COLEC12: variants seen among roughly 807,000 people sequenced by gnomAD.
COLEC12 encodes the protein collectin-12.
In COLEC12, 33 loss-of-function variants were observed where a neutral mutation model predicts 71.1. That is an observed-to-expected ratio of 0.46 (90% CI 0.35 to 0.62). The LOEUF (loss-of-function observed/expected upper bound fraction) is 0.62. Among genes scored for constraint, COLEC12 ranks in the 20% least tolerant of loss-of-function variants. The pLI is 0.00. For missense variants in COLEC12, 765 were observed against 916.1 expected (o/e 0.84, Z 2.13); for synonymous variants, 350 against 353.0 (o/e 0.99, Z 0.10).
chr18:339,181 G>T (rs998667292), intron 5 of COLEC12, among the ~76,000 whole-genome samples: 1 of 152,118 alleles, frequency 6.6e-6, no homozygotes, highest in Non-Finnish European at 1.5e-5. Context: ...CTTCTAGCTT[G>T]TGACAGAGTT....
At chr18:431,698 C>G (rs1227887017) in intron 2 of COLEC12, among the ~76,000 whole-genome samples, 3 of 152,180 alleles carry the variant, frequency 2.0e-5, no homozygotes, top group Non-Finnish European at 4.4e-5. Flanking sequence ...GTTAAGAAAA[C>G]TGGGCCAGTG....
At chr18:419,529 A>C (rs747232066) in intron 2 of COLEC12, among the ~76,000 whole-genome samples, 4 of 152,218 alleles carry the variant, frequency 2.6e-5, no homozygotes, top group Non-Finnish European at 4.4e-5. Context: ...AATGATACAG[A>C]GTCATTATCT....
chr18:408,530 G>A lies in COLEC12; in HGVS notation c.59-51008C>T, dbSNP rs1915831556. On this transcript the variant is annotated intron_variant, in intron 2 of 9. Coordinates refer to ENST00000400256, the MANE Select transcript of COLEC12 (RefSeq NM_130386.3). The surrounding 1 kb of genome is among the most constrained non-coding windows in gnomAD (Gnocchi z 4.3). ...TGAACTTGGAAAGGAATGAAGGCAAGATTAAGCTTGAATTATTCATAGCGG... is the reference window on the plus strand; with the variant it reads ...TGAACTTGGAAAGGAATGAAGGCAAAATTAAGCTTGAATTATTCATAGCGG... Among the ~76,000 whole-genome samples the A allele has an allele frequency of 6.6e-6, 1 of 151,318 alleles. No individual in the cohort carries two copies. The highest frequency in any genetic ancestry group is 1.5e-5 in the Non-Finnish European group (1 of 67,896).
intron 8 of COLEC12, among the ~76,000 whole-genome samples, chr18:330,682 C>T (rs993550344): frequency 6.6e-6 from 1 of 151,796 alleles, no homozygotes; most frequent in African/African-American, 2.4e-5. Flanking sequence ...AGGATGAGGC[C>T]CTGGAGACTT....
intron 2 of COLEC12, among the ~76,000 whole-genome samples, chr18:431,191 C>T (rs1292018155): frequency 1.3e-5 from 2 of 150,106 alleles, no homozygotes; most frequent in African/African-American, 4.9e-5. Flanking sequence ...TTGGTAGAGA[C>T]GAGGTCTTGT....
chr18:376,070 A>T (rs1943777191), intron 2 of COLEC12, among the ~76,000 whole-genome samples: 1 of 152,168 alleles, frequency 6.6e-6, no homozygotes, highest in Non-Finnish European at 1.5e-5. Flanking sequence ...TCAAACCCAG[A>T]TCGACTCCAT....
At chr18:455,874 G>A (rs562947044) in intron 2 of COLEC12, among the ~76,000 whole-genome samples, 33 of 152,222 alleles carry the variant, frequency 2.2e-4, no homozygotes, top group South Asian at 4.1e-4. Flanking sequence ...TATGTGTCAC[G>A]TTTTCTTTGC....
At chr18:483,042 A>C (rs759584654) in intron 1 of COLEC12, among the ~76,000 whole-genome samples, 8 of 152,242 alleles carry the variant, frequency 5.3e-5, no homozygotes, top group Non-Finnish European at 1.2e-4. Flanking sequence ...CCCAAGATGT[A>C]TGCTATCTAT....
intron 2 of COLEC12, among the ~76,000 whole-genome samples, chr18:382,068 T>C (rs1915244882): frequency 1.3e-5 from 2 of 152,172 alleles, no homozygotes; most frequent in African/African-American, 4.8e-5. Context: ...CCTGCTATAG[T>C]CATCTGCAAC....
Position 346,481 on chromosome 18 carries a change from C to A in COLEC12, c.1141G>T (p.Asp381Tyr). The change falls in exon 5 of 10, where the codon GAT becomes TAT. Residue 381 changes from aspartate (D) to tyrosine (Y), a missense_variant. Coordinates refer to ENST00000400256, the MANE Select transcript of COLEC12 (RefSeq NM_130386.3). This position sits in a 1 kb window ranked among gnomAD's most constrained non-coding sequence, Gnocchi z 4.0. ...AGGGTATTATTCAAGGAGGTCAGAT[C>A]ATCTGTGTGTTTGGTAAGGGTATCT... ...CTDTLTKHTD[D>Y]LTSLNNTLAN... 2 of 1,614,180 alleles carry A rather than the reference C, an allele frequency of 1.2e-6. No homozygotes were observed. Among genetic ancestry groups the A allele is most frequent in the Non-Finnish European group, 1.7e-6 (2 of 1,180,042 alleles).
chr18:368,767 G>C (rs1377235342), intron 2 of COLEC12, among the ~76,000 whole-genome samples: 1 of 152,178 alleles, frequency 6.6e-6, no homozygotes, highest in Non-Finnish European at 1.5e-5. Context: ...TTCTGAGGCT[G>C]AGGCAGGAGA....
At chr18:479,871 C>T (rs1415358226) in intron 2 of COLEC12, among the ~76,000 whole-genome samples, 4 of 152,206 alleles carry the variant, frequency 2.6e-5, no homozygotes, top group African/African-American at 9.7e-5. Context: ...TGGGGGCCAG[C>T]GGCCTAAAAT....
At chr18:483,616 C>A (rs1385130344) in intron 1 of COLEC12, among the ~76,000 whole-genome samples, 1 of 152,156 alleles carries the variant, frequency 6.6e-6, no homozygotes, top group African/African-American at 2.4e-5. Flanking sequence ...AACTTGCCTA[C>A]AACCAAGAGA....
chr18:415,252 A>G (rs1301568094), intron 2 of COLEC12, among the ~76,000 whole-genome samples: 1 of 152,202 alleles, frequency 6.6e-6, no homozygotes, highest in Non-Finnish European at 1.5e-5. Flanking sequence ...CCCCCTCACT[A>G]AAGTGACCAG....
intron 2 of COLEC12, among the ~76,000 whole-genome samples, chr18:423,227 C>G (rs1189026940): frequency 6.6e-6 from 1 of 152,142 alleles, no homozygotes; most frequent in Non-Finnish European, 1.5e-5. Context: ...CATGATCATG[C>G]CACTGCACTC....
In COLEC12 at chr18:346,618, C is replaced by T. The variant is rs996591543; in HGVS notation, c.1004G>A (p.Arg335His). The T allele has an allele frequency of 6.8e-6, 11 of 1,613,996 alleles. No homozygotes were observed. Among genetic ancestry groups the T allele is most frequent in the African/African-American group, 2.7e-5 (2 of 74,916 alleles). ...AATATCCGTCTCAAAGAGCTGGAAG[C>T]GTTCCTCCAGTTGGTTGAACTTGAT... The part of the protein sequence containing the change: ...TAIKFNQLEE[R>H]FQLFETDIVN... Residue 335 changes from arginine to histidine, a missense_variant, in exon 5 of 10, where the codon CGC becomes CAC. Transcript: ENST00000400256. The surrounding 1 kb of genome is among the most constrained non-coding windows in gnomAD (Gnocchi z 4.0).
Position 383,878 on chromosome 18 carries a change from G to C in COLEC12, c.59-26356C>G, listed in dbSNP as rs992212545. 6.6e-5 allele frequency among the ~76,000 whole-genome samples: 10 copies of C among 152,322 alleles called. 1 individual carries two copies. In the East Asian group the frequency reaches 1.4e-3, roughly 21 times the overall value. On this transcript the variant is annotated intron_variant, in intron 2 of 9. Transcript: ENST00000400256. ...CCTCACAATCATGGCAGAAAGTGAA[G>C]GAGGAGCAAAGTCACATCTTACATG...
At position 500,677 on chromosome 18, in the gene COLEC12, C is replaced by A; in HGVS notation, c.-163G>T. The A allele has an allele frequency of 5.9e-6, 2 of 336,272 alleles. No individual in the cohort carries two copies. Among genetic ancestry groups the A allele is most frequent in the African/African-American group, 2.2e-5 (1 of 44,578 alleles). The allele number at this position is 336,272 out of a possible 1,614,324, so 20.8% of individuals were successfully genotyped here. A position where few individuals can be genotyped will look rare whatever the true frequency, so the allele number is the denominator to read the frequency against. ...CTCGCCGCCGCCGGCCCGCGCTCCC[C>A]GCGCTCCCGGCTCCGCGCTCTGCTG... On this transcript the variant is annotated 5_prime_UTR_variant, in exon 1 of 10. Transcript: ENST00000400256. This position sits in a 1 kb window ranked among gnomAD's most constrained non-coding sequence, Gnocchi z 5.3.
intron 2 of COLEC12, among the ~76,000 whole-genome samples, chr18:409,245 A>C (rs1389523825): frequency 6.6e-6 from 1 of 152,260 alleles, no homozygotes; most frequent in African/African-American, 2.4e-5. Context: ...AGGCTGTAAA[A>C]GAAACGTCTC....
Sources: allele counts gnomAD v4.1 joint callset (sites outside exome capture counted in the v4.1 genomes callset), GRCh38; gene constraint gnomAD v4.1.1; non-coding constraint Gnocchi (gnomAD v3.1); transcripts MANE v1.5; gene names NCBI Gene and HGNC (gene_info 2026-07-23, HGNC 2026-07-21).